The following COL22A1 variants were observed in gnomAD, a reference collection of about 807,000 sequenced individuals.
COL22A1 encodes the protein collagen alpha-1(XXII) chain.
In COL22A1, 221 loss-of-function variants were observed where a neutral mutation model predicts 248.9. The observed-to-expected ratio is 0.89, with a 90% CI of 0.80 to 0.99. COL22A1 has a LOEUF of 0.99. Among genes scored for constraint, COL22A1 ranks in the 50% least tolerant of loss-of-function variants. The pLI, the probability that COL22A1 is intolerant of heterozygous loss-of-function variation, is 0.00. For synonymous variants in COL22A1, 891 were observed against 793.4 expected (o/e 1.12, Z -2.07); for missense variants, 2,240 against 2,179.0 (o/e 1.03, Z -0.56).
chr8:138,889,353 C>G (rs1014005688), intron 1 of COL22A1, among the ~76,000 whole-genome samples: 3 of 152,202 alleles, frequency 2.0e-5, no homozygotes, highest in Admixed American at 1.3e-4. Flanking sequence ...GAAAATGTGG[C>G]ACGTATACAC....
At chr8:138,679,563 T>C in intron 40 of COL22A1, 54 bp downstream of exon 40, 2 of 1,487,498 alleles carry the variant, frequency 1.3e-6, no homozygotes, top group South Asian at 1.1e-5. Context: ...AAGCTGCCTC[T>C]GCCTGTCTTG....
chr8:138,700,277 T>G, intron 31 of COL22A1, 133 bp from the exon 32 acceptor site: 1 of 793,426 alleles, frequency 1.3e-6, no homozygotes, highest in East Asian at 2.7e-5. Context: ...TTATTAGTTT[T>G]GACAATTAGA....
chr8:138,621,936 T>C (rs1819842031), intron 52 of COL22A1, among the ~76,000 whole-genome samples: 1 of 152,220 alleles, frequency 6.6e-6, no homozygotes, highest in Admixed American at 6.5e-5. Context: ...TTGAGACTTT[T>C]CAATTTGCTC....
intron 12 of COL22A1, among the ~76,000 whole-genome samples, chr8:138,785,512 G>A (rs16909624): frequency 0.014 from 2,142 of 152,328 alleles, 25 homozygotes; most frequent in Middle Eastern, 0.027. Flanking sequence ...CAGGCCGCTG[G>A]GGGTGACTCG....
intron 27 of COL22A1, among the ~76,000 whole-genome samples, chr8:138,719,982 C>T (rs1829746518): frequency 6.6e-6 from 1 of 152,160 alleles, no homozygotes; most frequent in Non-Finnish European, 1.5e-5. Flanking sequence ...TCCATGCGTG[C>T]ACACACACAA....
At chr8:138,887,970 T>G (rs1824790118) in intron 1 of COL22A1, among the ~76,000 whole-genome samples, 2 of 152,228 alleles carry the variant, frequency 1.3e-5, no homozygotes, top group Admixed American at 6.5e-5. Context: ...CATGCATTTC[T>G]TTGTTCCATG....
At chr8:138,881,149 C>CT (rs896755299) in intron 2 of COL22A1, among the ~76,000 whole-genome samples, 1 of 152,094 alleles carries the variant, frequency 6.6e-6, no homozygotes, top group East Asian at 1.9e-4. Context: ...CACCCTAGGG[C>CT]TTTTTTGCTT....
chr8:138,599,598 GC>G (rs1245872859), intron 60 of COL22A1, among the ~76,000 whole-genome samples: 1 of 152,148 alleles, frequency 6.6e-6, no homozygotes, highest in Non-Finnish European at 1.5e-5. Context: ...AGTGGCAATT[GC>G]CTATAGTCCC....
At position 138,652,735 on chromosome 8, in the gene COL22A1, G is replaced by GTTTTTTTTTTTTTTTTTTTT. The variant is rs71316352; in HGVS notation, c.3334-2977_3334-2958dup. ...TAAAATATTTTCTTTTCCTTTTCTG[G>GTTTTTTTTTTTTTTTTTTTT]TTTTTTTTTTTTTTTTTTTTTTTTT... On this transcript the variant is annotated intron_variant, in intron 45 of 64. Coordinates refer to ENST00000303045, the MANE Select transcript of COL22A1 (RefSeq NM_152888.3). Among the ~76,000 whole-genome samples, 19 of 54,282 alleles carry GTTTTTTTTTTTTTTTTTTTT rather than the reference G, an allele frequency of 3.5e-4. 4 individuals carry two copies. The highest frequency in any genetic ancestry group is 1.2e-3 in the South Asian group (1 of 844). The allele number at this position is 54,282 out of a possible 152,430, so 35.6% of individuals were successfully genotyped here.
At chr8:138,670,890 G>A (rs902732838) in intron 41 of COL22A1, among the ~76,000 whole-genome samples, 2 of 140,022 alleles carry the variant, frequency 1.4e-5, no homozygotes, top group African/African-American at 5.1e-5. Flanking sequence ...GAGCCCAGGA[G>A]GTTAAGGCTG....
intron 53 of COL22A1, among the ~76,000 whole-genome samples, chr8:138,618,468 A>G (rs1336000516): frequency 6.6e-6 from 1 of 152,150 alleles, no homozygotes; most frequent in Non-Finnish European, 1.5e-5. Context: ...TGTCACTCCA[A>G]TAAGCCAAGA....
chr8:138,643,244 A>G (rs1821880547), intron 47 of COL22A1, among the ~76,000 whole-genome samples: 2 of 152,158 alleles, frequency 1.3e-5, no homozygotes, highest in Admixed American at 6.5e-5. Flanking sequence ...TCAATCTAAC[A>G]CTGCCCCGGG....
At chr8:138,888,935 T>C (rs2318345) in intron 1 of COL22A1, among the ~76,000 whole-genome samples, 24,328 of 152,166 alleles carry the variant, frequency 0.16, 2,822 homozygotes, top group African/African-American at 0.32. Context: ...TCTGATGCTG[T>C]TATAGTATCA....
At chr8:138,828,916 C>T (rs1007849554) in intron 5 of COL22A1, among the ~76,000 whole-genome samples, 22 of 152,244 alleles carry the variant, frequency 1.4e-4, no homozygotes, top group African/African-American at 4.3e-4. Context: ...CAGAGCCAGC[C>T]GTGGGGGAGC....
chr8:138,856,037 G>A (rs1399424277), intron 3 of COL22A1, among the ~76,000 whole-genome samples: 2 of 152,230 alleles, frequency 1.3e-5, no homozygotes, highest in African/African-American at 2.4e-5. Context: ...GGACAGTGGG[G>A]CTGGGGTGGG....
intron 47 of COL22A1, among the ~76,000 whole-genome samples, chr8:138,641,167 G>A (rs2130439795): frequency 6.6e-6 from 1 of 152,300 alleles, no homozygotes; most frequent in African/African-American, 2.4e-5. Context: ...TTCTGCTCTA[G>A]GAAAGAACAT....
intron 63 of COL22A1, among the ~76,000 whole-genome samples, chr8:138,593,037 A>G (rs911399266): frequency 2.0e-5 from 3 of 152,204 alleles, no homozygotes; most frequent in African/African-American, 4.8e-5. Context: ...CTATGCAGCC[A>G]TAAAAAAGAA....
At chr8:138,777,316 G>T (rs934828387) in intron 15 of COL22A1, among the ~76,000 whole-genome samples, 1 of 152,230 alleles carries the variant, frequency 6.6e-6, no homozygotes, top group Admixed American at 6.5e-5. Context: ...GGGCCATCCA[G>T]ACCTAAAGGG....
At position 138,778,272 on chromosome 8, in the gene COL22A1, G is replaced by A. The variant is rs760455027; in HGVS notation, c.1758+81C>T. The A allele has an allele frequency of 6.7e-6, 10 of 1,486,470 alleles. No homozygotes were observed. In the African/African-American group the frequency reaches 1.2e-4, roughly 18 times the overall value. The allele number at this position is 1,486,470 out of a possible 1,614,324, so 92.1% of individuals were successfully genotyped here. On this transcript the variant is annotated intron_variant, in intron 15 of 64. Coordinates refer to ENST00000303045, the MANE Select transcript of COL22A1 (RefSeq NM_152888.3). ...AAAACAGCATTACTGTCTAGATGCAGGTGGAGGAACTTGCTAGAACCTGGT... is the reference window on the plus strand; with the variant it reads ...AAAACAGCATTACTGTCTAGATGCAAGTGGAGGAACTTGCTAGAACCTGGT...
Sources: allele counts gnomAD v4.1 joint callset (sites outside exome capture counted in the v4.1 genomes callset), GRCh38; gene constraint gnomAD v4.1.1; transcripts MANE v1.5; gene names NCBI Gene and HGNC (gene_info 2026-07-23, HGNC 2026-07-21).